The following RELL1 variants were observed in gnomAD, a reference collection of about 807,000 sequenced individuals.
RELL1 encodes the protein RELT-like protein 1.
RELL1 carries 10 observed loss-of-function variants against 23.0 expected under a neutral mutation model. The observed-to-expected ratio is 0.43, with a 90% CI of 0.27 to 0.74. RELL1 has a LOEUF of 0.74. Ranked by LOEUF, RELL1 falls within the 30% of genes least tolerant of loss-of-function variation. The probability of loss-of-function intolerance (pLI) is 0.19; values close to 1 mark genes in which losing one functional copy is unlikely to be tolerated. For synonymous variants in RELL1, 146 were observed against 146.8 expected (o/e 0.99, Z 0.04); for missense variants, 315 against 364.4 (o/e 0.86, Z 1.10).
At chr4:37,655,653 G>A (rs1054991566) in intron 1 of RELL1, among the ~76,000 whole-genome samples, 3 of 152,326 alleles carry the variant, frequency 2.0e-5, no homozygotes, top group Non-Finnish European at 4.4e-5. Context: ...ACTTTGTGAG[G>A]CAGCTCTAGC....
At chr4:37,636,842 G>A (rs955034966) in intron 4 of RELL1, among the ~76,000 whole-genome samples, 3 of 152,140 alleles carry the variant, frequency 2.0e-5, no homozygotes, top group East Asian at 1.9e-4. Flanking sequence ...CAGCCTTTTC[G>A]GTGATGCAAA....
intron 3 of RELL1, among the ~76,000 whole-genome samples, chr4:37,644,216 C>T (rs1720618952): frequency 6.6e-6 from 1 of 151,896 alleles, no homozygotes; most frequent in Non-Finnish European, 1.5e-5. Flanking sequence ...CAGCCCTATT[C>T]GCCCATGAGT....
chr4:37,617,121 T>C (rs536894083), intron 6 of RELL1, among the ~76,000 whole-genome samples: 3 of 152,204 alleles, frequency 2.0e-5, no homozygotes, highest in Non-Finnish European at 4.4e-5. Context: ...TTAAAATCAG[T>C]GTTTCCCAGA....
intron 6 of RELL1, among the ~76,000 whole-genome samples, chr4:37,620,416 A>T (rs1239697923): frequency 6.6e-6 from 1 of 152,228 alleles, no homozygotes; most frequent in Admixed American, 6.5e-5. Context: ...AGCCTTTGAG[A>T]TGGTAGAATC....
rs557796413 is a variant in RELL1, at chr4:37,638,852, C to T, written c.386-348G>A. Among the ~76,000 whole-genome samples the T allele has an allele frequency of 5.9e-5, 9 of 152,312 alleles. No individual in the cohort carries two copies. In the South Asian group the frequency reaches 1.5e-3, roughly 25 times the overall value. On this transcript the variant is annotated intron_variant, in intron 3 of 6. Coordinates refer to ENST00000454158, the MANE Select transcript of RELL1 (RefSeq NM_001085400.2). ...CCAAACTAAAGGACCATTTATATGCCGCTGCTCCCTTGCAGTTAACTAATT... is the reference window on the plus strand; with the variant it reads ...CCAAACTAAAGGACCATTTATATGCTGCTGCTCCCTTGCAGTTAACTAATT...
In RELL1 at chr4:37,598,284, A is replaced by AAAAAAG. The variant is rs869260737; in HGVS notation, c.*4-7068_*4-7067insCTTTTT. Among the ~76,000 whole-genome samples the AAAAAAG allele has an allele frequency of 1.4e-3, 168 of 117,206 alleles. 7 individuals are homozygous for AAAAAAG. The highest frequency in any genetic ancestry group is 5.9e-3 in the East Asian group (19 of 3,196). The allele number at this position is 117,206 out of a possible 152,430, so 76.9% of individuals were successfully genotyped here. A position where few individuals can be genotyped will look rare whatever the true frequency, so the allele number is the denominator to read the frequency against. The stretch of plus-strand genomic sequence containing the variant: ...AAAAAAAAAAAAAAAAAAAAAAAAA[A>AAAAAAG]GTTTATAGGAAGAAAATATATAGAG... On this transcript the variant is annotated intron_variant, in intron 6 of 6. Transcript: ENST00000314117.
chr4:37,588,966 A>G, downstream of RELL1: 1 of 1,177,210 alleles, frequency 8.5e-7, no homozygotes, highest in Non-Finnish European at 1.3e-6. Context: ...ACTTTTAAAG[A>G]CCATGCGTGT....
intron 1 of RELL1, 91 bp from the exon 2 acceptor site, chr4:37,649,591 G>A: frequency 2.5e-6 from 3 of 1,181,440 alleles, no homozygotes; most frequent in African/African-American, 1.5e-5. Flanking sequence ...GTAAGTCAGG[G>A]TCTGCTCCCG....
intron 1 of RELL1, among the ~76,000 whole-genome samples, chr4:37,676,928 G>A (rs1043076850): frequency 4.6e-5 from 7 of 152,038 alleles, no homozygotes; most frequent in Admixed American, 2.6e-4. Context: ...AGACATACAC[G>A]TAGTCCCTCC....
intron 1 of RELL1, among the ~76,000 whole-genome samples, chr4:37,667,228 AT>A (rs1041471691): frequency 1.3e-5 from 2 of 152,104 alleles, no homozygotes; most frequent in African/African-American, 4.8e-5. Flanking sequence ...ACAGAAAAAA[AT>A]ACTATTAATA....
In RELL1 at chr4:37,600,101, C is replaced by T. The variant is rs899081735; in HGVS notation, c.*4-8884G>A. ...CCTGGCCAACGTGGCAAAACCCTGT[C>T]TCTACTAAAAATATAAAAATTAGCC... On this transcript the variant is annotated intron_variant, in intron 6 of 6. Coordinates refer to the RELL1 transcript ENST00000314117. Among the ~76,000 whole-genome samples the T allele has an allele frequency of 2.6e-5, 4 of 152,192 alleles. No homozygotes were observed. The East Asian group carries it at 7.7e-4, about 29-fold the overall frequency.
Position 37,659,278 on chromosome 4 carries a change from A to G in RELL1, c.89-9778T>C, listed in dbSNP as rs76637815. Among the ~76,000 whole-genome samples the G allele has an allele frequency of 6.1e-3, 935 of 152,316 alleles. 6 individuals are homozygous for G. Among genetic ancestry groups the G allele is most frequent in the African/African-American group, 0.021 (875 of 41,562 alleles). On this transcript the variant is annotated intron_variant, in intron 1 of 6. Coordinates refer to ENST00000454158, the MANE Select transcript of RELL1 (RefSeq NM_001085400.2). The stretch of plus-strand genomic sequence containing the variant: ...CACTAGGTATGTGTGTTTTGCCAAG[A>G]TCCTGCTGAGATTACAAAAGAAAAC...
intron 3 of RELL1, among the ~76,000 whole-genome samples, chr4:37,641,292 C>T (rs932176479): frequency 3.9e-5 from 6 of 152,112 alleles, no homozygotes; most frequent in Non-Finnish European, 5.9e-5. Flanking sequence ...TACACACATG[C>T]GTCCCTGTCT....
downstream of RELL1, among the ~76,000 whole-genome samples, chr4:37,605,848 A>AAAG (rs1435263321): frequency 0.13 from 13,528 of 106,804 alleles, 1,270 homozygotes; most frequent in Non-Finnish European, 0.22. Flanking sequence ...AGAAAGAAGG[A>AAAG]AAAGAAAAGA....
intron 1 of RELL1, among the ~76,000 whole-genome samples, chr4:37,660,848 G>A (rs144636047): frequency 0.046 from 6,933 of 152,124 alleles, 180 homozygotes; most frequent in Admixed American, 0.068. Flanking sequence ...TGGCTAACAC[G>A]GTGAAACCCC....
chr4:37,597,658 A>G (rs945322897), intron 6 of RELL1, among the ~76,000 whole-genome samples: 5 of 152,190 alleles, frequency 3.3e-5, no homozygotes, highest in Non-Finnish European at 5.9e-5. Flanking sequence ...GCTTTAAATT[A>G]CCAATTTCTG....
chr4:37,589,703 C>T (rs1375485379), downstream of RELL1, among the ~76,000 whole-genome samples: 1 of 152,206 alleles, frequency 6.6e-6, no homozygotes, highest in African/African-American at 2.4e-5. Flanking sequence ...GTGATCTCAG[C>T]TCACTGCAGC....
In RELL1 at chr4:37,647,366, A is replaced by G; in HGVS notation, c.385+2T>C. 1 of 1,605,778 alleles carries G rather than the reference A, an allele frequency of 6.2e-7. No individual in the cohort carries two copies. The highest frequency in any genetic ancestry group is 8.5e-7 in the Non-Finnish European group (1 of 1,172,548). On this transcript the variant is annotated splice_donor_variant, in intron 3 of 6. Coordinates refer to ENST00000454158, the MANE Select transcript of RELL1 (RefSeq NM_001085400.2). LOFTEE classifies it high-confidence loss of function. The stretch of plus-strand genomic sequence containing the variant: ...TGTTTTGGAACACTAAAATGTTCAC[A>G]CCTTCATTTTTCATGATGTAGTGGA...
rs142253769 is a variant in RELL1 at position 37,659,310 on chromosome 4, T to A, written c.89-9810A>T. Among the ~76,000 whole-genome samples the A allele has an allele frequency of 5.5e-3, 841 of 152,224 alleles. 8 individuals carry two copies. The highest frequency in any genetic ancestry group is 0.032 in the South Asian group (154 of 4,830). Reference sequence around the variant, plus strand: ...TGAGATTACAAAAGAAAACGTGAGATGAAAAAGATCAAAGACAGCAGGGAA... The same window carrying A: ...TGAGATTACAAAAGAAAACGTGAGAAGAAAAAGATCAAAGACAGCAGGGAA... On this transcript the variant is annotated intron_variant, in intron 1 of 6. Coordinates refer to ENST00000454158, the MANE Select transcript of RELL1 (RefSeq NM_001085400.2).
Sources: allele counts gnomAD v4.1 joint callset (sites outside exome capture counted in the v4.1 genomes callset), GRCh38; gene constraint gnomAD v4.1.1; transcripts MANE v1.5; gene names NCBI Gene and HGNC (gene_info 2026-07-23, HGNC 2026-07-21).